COL4A3: variants seen among roughly 807,000 people sequenced by gnomAD.
COL4A3 encodes collagen type IV alpha 3 chain.
Under a neutral mutation model 217.4 loss-of-function variants are expected in COL4A3, and 135 were observed. That is an observed-to-expected ratio of 0.62 (90% CI 0.54 to 0.72). The LOEUF is 0.72. Among genes scored for constraint, COL4A3 ranks in the 30% least tolerant of loss-of-function variants. COL4A3 has a pLI of 0.00. For synonymous variants in COL4A3, 690 were observed against 736.3 expected, an observed-to-expected ratio of 0.94 and a Z score of 1.02; for missense variants, 1,868 against 2,119.9, an observed-to-expected ratio of 0.88 and a Z score of 2.33.
chr2:227,304,134 T>C lies in COL4A3; in HGVS notation c.4143T>C (p.Pro1381=), dbSNP rs912961400. 3 of 1,613,924 alleles carry C rather than the reference T, an allele frequency of 1.9e-6. No individual in the cohort carries two copies. The Admixed American group carries it at 5.0e-5, about 27-fold the overall frequency. Residue 1381 remains proline, a synonymous_variant, in exon 46 of 52, where the codon CCT becomes CCC. Coordinates refer to ENST00000396578, the MANE Select transcript of COL4A3 (RefSeq NM_000091.5). ...MQGEPGPPGP[P]GNLGPCGPRG... ...GAGAACCTGGGCCACCAGGGCCACC[T>C]GGAAACCTAGGTGTGGGACTGGCAG...
chr2:227,310,195 T>C (rs1303094808), intron 50 of COL4A3, among the ~76,000 whole-genome samples: 2 of 152,252 alleles, frequency 1.3e-5, no homozygotes, highest in African/African-American at 4.8e-5. Flanking sequence ...TAAATGCTAG[T>C]GAAGAAGTTT....
At chr2:227,249,230 A>ATATATATATATATTTTTTT in intron 9 of COL4A3, among the ~76,000 whole-genome samples, 1 of 14,690 alleles carries the variant, frequency 6.8e-5, no homozygotes, top group African/African-American at 2.7e-4. Context: ...ATATATATAT[A>ATATATATATATATTTTTTT]TTTTTTTTTT....
intron 1 of COL4A3, among the ~76,000 whole-genome samples, chr2:227,182,397 A>G (rs2125675782): frequency 6.6e-6 from 1 of 152,310 alleles, no homozygotes; most frequent in Middle Eastern, 3.4e-3. Context: ...TTGGAAGAGA[A>G]TTTTGAGTCA....
At chr2:227,222,474 A>G (rs1228682926) in intron 1 of COL4A3, 1 of 152,106 alleles carries the variant, frequency 6.6e-6, no homozygotes, top group East Asian at 1.9e-4. Flanking sequence ...TCTCCCCAAC[A>G]CTGTGAACTT....
At chr2:227,252,854 G>A (rs2069862402) in intron 11 of COL4A3, among the ~76,000 whole-genome samples, 1 of 152,184 alleles carries the variant, frequency 6.6e-6, no homozygotes. Flanking sequence ...AATTACTAGT[G>A]AAGTCGGTAG....
intron 1 of COL4A3, among the ~76,000 whole-genome samples, chr2:227,173,825 C>T (rs185207705): frequency 4.5e-4 from 68 of 152,210 alleles, no homozygotes; most frequent in Middle Eastern, 3.4e-3. Context: ...ATTAAGTCTT[C>T]AAGGTCTGGT....
intron 37 of COL4A3, among the ~76,000 whole-genome samples, chr2:227,292,320 C>G (rs562814884): frequency 6.6e-6 from 1 of 152,244 alleles, no homozygotes; most frequent in African/African-American, 2.4e-5. Context: ...TGTCTTTGTT[C>G]TTTATATTTA....
At chr2:227,235,711 T>C (rs1437052734) in intron 1 of COL4A3, among the ~76,000 whole-genome samples, 1 of 152,108 alleles carries the variant, frequency 6.6e-6, no homozygotes, top group Non-Finnish European at 1.5e-5. Flanking sequence ...CCTGAGTTAC[T>C]TCACTTAGAA....
intron 30 of COL4A3, 116 bp downstream of exon 30, chr2:227,280,706 C>T: frequency 7.9e-7 from 1 of 1,272,126 alleles, no homozygotes; most frequent in Non-Finnish European, 1.1e-6. Flanking sequence ...TCCTGCCCTA[C>T]CTTTCTTCCT....
chr2:227,261,354 G>A lies in COL4A3; in HGVS notation c.1150+237G>A, dbSNP rs151332517. Among the ~76,000 whole-genome samples the A allele has an allele frequency of 0.043, 6,529 of 152,130 alleles. 206 individuals are homozygous for A. The highest frequency in any genetic ancestry group is 0.061 in the Non-Finnish European group (4,116 of 67,980). ...AGCCTGGCAAACATGGCAAAACCCC[G>A]TCTCTACTAAAAATACAAAAAAATT... On this transcript the variant is annotated intron_variant, in intron 20 of 51. Transcript: ENST00000396578.
chr2:227,307,838 C>T lies in COL4A3; in HGVS notation c.4381C>T (p.Pro1461Ser), dbSNP rs767367726. The change falls in exon 48 of 52, where the codon CCA becomes TCA. Residue 1461 changes from proline to serine, a missense_variant. Transcript: ENST00000396578. ...TCAAACCACAGCAATTCCTTCATGT[C>T]CAGAGGGGACAGTGCCACTCTACAG... ...HSQTTAIPSCPEGTVPLYSGF... is the reference protein window; with the variant it reads ...HSQTTAIPSCSEGTVPLYSGF... The T allele has an allele frequency of 6.2e-7, 1 of 1,613,996 alleles. No individual in the cohort carries two copies. The highest frequency in any genetic ancestry group is 1.7e-5 in the Admixed American group (1 of 59,992).
chr2:227,263,305 C>G (rs1356988734), intron 20 of COL4A3, among the ~76,000 whole-genome samples: 3 of 152,200 alleles, frequency 2.0e-5, no homozygotes, highest in Non-Finnish European at 4.4e-5. Context: ...GGGTGGGGTT[C>G]GTGCCACCAG....
At chr2:227,190,219 T>C (rs145745014) in intron 1 of COL4A3, among the ~76,000 whole-genome samples, 1 of 152,268 alleles carries the variant, frequency 6.6e-6, no homozygotes, top group Non-Finnish European at 1.5e-5. Context: ...GCAAGGCACA[T>C]GCAGGTCCCT....
chr2:227,195,414 T>G (rs1369733890), intron 1 of COL4A3, among the ~76,000 whole-genome samples: 9 of 152,058 alleles, frequency 5.9e-5, no homozygotes. Context: ...GCCCATAAGA[T>G]TATAATGAAG....
chr2:227,225,987 C>T (rs886106815), intron 1 of COL4A3, among the ~76,000 whole-genome samples: 3 of 152,080 alleles, frequency 2.0e-5, no homozygotes, highest in Non-Finnish European at 4.4e-5. Flanking sequence ...GCTGGGATTA[C>T]AGTCGTGAGC....
intron 1 of COL4A3, among the ~76,000 whole-genome samples, chr2:227,183,909 C>T (rs1355967645): frequency 2.0e-5 from 3 of 152,202 alleles, no homozygotes; most frequent in African/African-American, 4.8e-5. Context: ...TGCAAAAACT[C>T]TCCATCAGTT....
intron 26 of COL4A3, among the ~76,000 whole-genome samples, 154 bp from the exon 27 acceptor site, chr2:227,276,231 T>G (rs2071551960): frequency 6.6e-6 from 1 of 152,286 alleles, no homozygotes; most frequent in Non-Finnish European, 1.5e-5. Flanking sequence ...TATGGGCTGG[T>G]CGTCCTTAAG....
chr2:227,212,228 T>A (rs959307131), intron 1 of COL4A3, among the ~76,000 whole-genome samples: 7 of 152,114 alleles, frequency 4.6e-5, no homozygotes, highest in African/African-American at 1.7e-4. Context: ...TGCAAATACA[T>A]CACAGTTTGT....
rs1237080016 is a variant in COL4A3, at chr2:227,289,987, T to C, written c.2981-12T>C. ...AACTGTGCAGGGCAATAACTACTTATTTGTTCTCAAGGCCCCAGAGGAGAT... is the reference window on the plus strand; with the variant it reads ...AACTGTGCAGGGCAATAACTACTTACTTGTTCTCAAGGCCCCAGAGGAGAT... On this transcript the variant is annotated splice_polypyrimidine_tract_variant and intron_variant, in intron 35 of 51. Transcript: ENST00000396578. 5.6e-6 allele frequency: 9 copies of C among 1,613,310 alleles called. No individual in the cohort carries two copies. The highest frequency in any genetic ancestry group is 1.3e-5 in the African/African-American group (1 of 75,036).
Sources: gnomAD v4.1 joint callset for allele counts (sites outside exome capture counted in the v4.1 genomes callset) on GRCh38, gnomAD v4.1.1 for gene constraint, MANE v1.5 for transcripts, NCBI Gene and HGNC (gene_info 2026-07-23, HGNC 2026-07-21) for gene names.